The following PRMT2 variants were observed in gnomAD, a reference collection of about 807,000 sequenced individuals.
PRMT2 encodes the protein protein arginine N-methyltransferase 2.
A neutral mutation model predicts 57.6 loss-of-function variants in PRMT2; 26 were observed. The ratio of observed to expected loss-of-function variants is 0.45; its 90% confidence interval spans 0.33 to 0.63. The LOEUF (loss-of-function observed/expected upper bound fraction) is 0.63. Among genes scored for constraint, PRMT2 ranks in the 20% least tolerant of loss-of-function variants. The probability of loss-of-function intolerance (pLI) is 0.02; values close to 1 mark genes in which losing one functional copy is unlikely to be tolerated. For missense variants in PRMT2, 472 were observed against 564.4 expected, an observed-to-expected ratio of 0.84 and a Z score of 1.66; for synonymous variants, 219 against 220.0, an observed-to-expected ratio of 1.00 and a Z score of 0.04.
chr21:46,664,192 C>G, intron 11 of PRMT2, 103 bp from the exon 12 acceptor site: 2 of 1,015,488 alleles, frequency 2.0e-6, no homozygotes, highest in South Asian at 1.4e-5. Flanking sequence ...AAATTCTGCA[C>G]CTGAATACTG....
intron 3 of PRMT2, chr21:46,643,300 C>G: frequency 1.4e-6 from 1 of 727,422 alleles, no homozygotes; most frequent in Non-Finnish European, 1.8e-6. Flanking sequence ...TTTCTGACTT[C>G]TTGCTTTGAT....
At chr21:46,657,450 G>A (rs939968401) in intron 7 of PRMT2, 2 of 151,978 alleles carry the variant, frequency 1.3e-5, no homozygotes, top group Non-Finnish European at 2.9e-5. Context: ...ATAAACTGGT[G>A]CGTCCACACA....
In PRMT2 at chr21:46,649,084, C is replaced by T. The variant is rs1378305993; in HGVS notation, c.489+465C>T. On this transcript the variant is annotated intron_variant, in intron 6 of 11. Coordinates refer to ENST00000355680, the MANE Select transcript of PRMT2 (RefSeq NM_206962.4). This position sits in a 1 kb window ranked among gnomAD's most constrained non-coding sequence, Gnocchi z 4.8. Reference sequence around the variant, plus strand: ...AGCCGAGCTGCAGCCTTGGAGACTCCTTACACAGTGGGTGGGGTCGCAGCA... The same window carrying T: ...AGCCGAGCTGCAGCCTTGGAGACTCTTTACACAGTGGGTGGGGTCGCAGCA... 2.0e-5 allele frequency among the ~76,000 whole-genome samples: 3 copies of T among 152,122 alleles called. No individual in the cohort carries two copies. The East Asian group carries it at 5.8e-4, about 29-fold the overall frequency.
intron 7 of PRMT2, chr21:46,652,695 T>A: frequency 8.8e-7 from 1 of 1,133,032 alleles, no homozygotes; most frequent in Non-Finnish European, 1.1e-6. Flanking sequence ...TCAAAGAGCA[T>A]TAAAATTTTT....
rs1601956601 is a variant in PRMT2 at position 46,661,728 on chromosome 21, G to C, written c.961-72G>C. The C allele has an allele frequency of 4.0e-6, 5 of 1,254,492 alleles. No individual in the cohort carries two copies. The East Asian group carries it at 1.3e-4, about 32-fold the overall frequency. 77.7% of individuals were successfully genotyped at this position (1,254,492 alleles called of 1,614,324 possible). Reference sequence around the variant, plus strand: ...TCAGCGTCTGCGCGGGGCGCGTGGAGGGGGCCGCCCCAACCCGGGCCCTGC... The same window carrying C: ...TCAGCGTCTGCGCGGGGCGCGTGGACGGGGCCGCCCCAACCCGGGCCCTGC... On this transcript the variant is annotated intron_variant, in intron 9 of 11. Transcript: ENST00000355680.
rs748505504 is a variant in PRMT2, at chr21:46,660,944, G to A, written c.942G>A (p.Val314=). 3 of 1,612,874 alleles carry A rather than the reference G, an allele frequency of 1.9e-6. No homozygotes were observed. In the South Asian group the frequency reaches 3.3e-5, roughly 18 times the overall value. ...TATTGCAGTTGGACATGAGAACCGTGCAAATTTCTGATCTAGAGGTGAGAA... is the reference window on the plus strand; with the variant it reads ...TATTGCAGTTGGACATGAGAACCGTACAAATTTCTGATCTAGAGGTGAGAA... ...CTILQLDMRT[V]QISDLETLRG... is the part of the protein sequence containing the mutation. Residue 314 remains valine (V), a synonymous_variant, in exon 9 of 12, where the codon GTG becomes GTA. Transcript: ENST00000355680.
Position 46,660,718 on chromosome 21 carries a change from G to C in PRMT2, c.831-115G>C. 6 of 1,362,128 alleles carry C rather than the reference G, an allele frequency of 4.4e-6. No individual in the cohort carries two copies. The South Asian group carries it at 8.3e-5, about 19-fold the overall frequency. 84.4% of individuals were successfully genotyped at this position (1,362,128 alleles called of 1,614,324 possible). On this transcript the variant is annotated intron_variant, in intron 8 of 11. Transcript: ENST00000355680. ...TGGGGTTCCAGGGCCCCAGATAGTG[G>C]CTTAGCATCCTGGTGACACAGAAGG...
intron 8 of PRMT2, chr21:46,659,692 TAG>T: frequency 1.0e-6 from 1 of 985,170 alleles, no homozygotes; most frequent in Non-Finnish European, 1.2e-6. Flanking sequence ...GCCAGGGCCT[TAG>T]AGGTTGGCAT....
At chr21:46,645,126 G>C (rs748416592) in intron 5 of PRMT2, among the ~76,000 whole-genome samples, 33 of 81,316 alleles carry the variant, frequency 4.1e-4, no homozygotes, top group Non-Finnish European at 6.3e-4. Context: ...AATTAGCTGG[G>C]CATGGTGGTG....
intron 7 of PRMT2, chr21:46,652,884 C>G (rs1007470377): frequency 1.5e-6 from 2 of 1,302,744 alleles, no homozygotes; most frequent in African/African-American, 1.5e-5. Context: ...GGCCACGCCA[C>G]GATTTCCGAG....
At chr21:46,663,087 CTGAG>C (rs1808754883) in intron 10 of PRMT2, among the ~76,000 whole-genome samples, 1 of 152,214 alleles carries the variant, frequency 6.6e-6, no homozygotes, top group Admixed American at 6.5e-5. Flanking sequence ...CTCCTGGAAT[CTGAG>C]TGGTCTCAGG....
At chr21:46,663,783 C>T (rs867671526) in intron 11 of PRMT2, among the ~76,000 whole-genome samples, 12 of 152,196 alleles carry the variant, frequency 7.9e-5, no homozygotes, top group Non-Finnish European at 1.2e-4. Context: ...GTCATTCCCT[C>T]AGGTGACACG....
chr21:46,639,357 A>T (rs530612077), intron 3 of PRMT2, among the ~76,000 whole-genome samples: 1 of 152,258 alleles, frequency 6.6e-6, no homozygotes, highest in South Asian at 2.1e-4. Flanking sequence ...TGTCATGAAG[A>T]TCAAATGTGT....
intron 3 of PRMT2, among the ~76,000 whole-genome samples, chr21:46,641,135 A>AAT (rs2061266453): frequency 6.6e-6 from 1 of 151,178 alleles, no homozygotes; most frequent in Non-Finnish European, 1.5e-5. Flanking sequence ...AAAAAAAAAA[A>AAT]AAAAAGCGTA....
At chr21:46,652,740 ACG>A in intron 7 of PRMT2, 1 of 1,129,068 alleles carries the variant, frequency 8.9e-7, no homozygotes, top group Admixed American at 4.7e-5. Context: ...TCTGAAGGAG[ACG>A]CAAGTAAAGA....
intron 8 of PRMT2, among the ~76,000 whole-genome samples, chr21:46,660,623 T>C (rs1239786619): frequency 6.6e-6 from 1 of 152,134 alleles, no homozygotes; most frequent in Non-Finnish European, 1.5e-5. Flanking sequence ...AGTCTCTGGA[T>C]GCCTGGGTAG....
rs1447774472 is a variant in PRMT2 at position 46,648,829 on chromosome 21, A to G, written c.489+210A>G. Among the ~76,000 whole-genome samples the G allele has an allele frequency of 1.3e-5, 2 of 152,366 alleles. No homozygotes were observed. The highest frequency in any genetic ancestry group is 3.9e-4 in the East Asian group (2 of 5,188). On this transcript the variant is annotated intron_variant, in intron 6 of 11. Transcript: ENST00000355680. The surrounding 1 kb of genome is among the most constrained non-coding windows in gnomAD (Gnocchi z 4.8). ...GCTAGAGGCCGTGGCGCCCGCGTAC[A>G]ATGAGTCGCAGACAGCACAGACGGG... is the stretch of plus-strand genomic sequence containing the variant.
chr21:46,638,213 T>C (rs145927621), intron 3 of PRMT2, among the ~76,000 whole-genome samples: 64 of 152,340 alleles, frequency 4.2e-4, no homozygotes, highest in African/African-American at 1.4e-3. Context: ...CCTCTTCATA[T>C]AACTTTACCT....
chr21:46,637,151 C>T (rs1260368339), intron 3 of PRMT2, among the ~76,000 whole-genome samples, 161 bp downstream of exon 3: 1 of 152,204 alleles, frequency 6.6e-6, no homozygotes, highest in East Asian at 1.9e-4. Flanking sequence ...GCAGAGGAAA[C>T]GCAGTGCCTG....
Sources: allele counts gnomAD v4.1 joint callset (sites outside exome capture counted in the v4.1 genomes callset), GRCh38; gene constraint gnomAD v4.1.1; non-coding constraint Gnocchi (gnomAD v3.1); transcripts MANE v1.5; gene names NCBI Gene and HGNC (gene_info 2026-07-23, HGNC 2026-07-21).